COL6A6: variants seen among roughly 807,000 people sequenced by gnomAD.
COL6A6 encodes collagen alpha-6(VI) chain.
COL6A6 carries 183 observed loss-of-function variants against 208.6 expected under a neutral mutation model. That is an observed-to-expected ratio of 0.88 (90% confidence interval 0.78 to 0.99). COL6A6 has a LOEUF of 0.99. Among genes scored for constraint, COL6A6 ranks in the 50% least tolerant of loss-of-function variants. COL6A6 has a pLI of 0.00. For missense variants in COL6A6, 2,816 were observed against 2,815.2 expected (o/e 1.00, Z -0.01); for synonymous variants, 973 against 1,011.8 (o/e 0.96, Z 0.73).
intron 36 of COL6A6, among the ~76,000 whole-genome samples, chr3:130,673,581 A>G (rs778179262): frequency 6.6e-6 from 1 of 152,290 alleles, no homozygotes; most frequent in East Asian, 1.9e-4. Flanking sequence ...TGCCCTTCCC[A>G]TATCAGTGGA....
chr3:130,563,267 C>T lies in COL6A6; in HGVS notation c.264C>T (p.Ser88=). Residue 88 remains serine, a synonymous_variant, in exon 3 of 37, where the codon AGC becomes AGT. Coordinates refer to ENST00000358511, the MANE Select transcript of COL6A6 (RefSeq NM_001102608.3). ...ACCTGAGCACCTTCAAAGGCAGGAG[C>T]CCCATGCTGAACCACCTAAGGAAGA... is the stretch of plus-strand genomic sequence containing the variant. ...EFHLSTFKGR[S]PMLNHLRKNF... The T allele has an allele frequency of 4.3e-6, 7 of 1,614,016 alleles. No individual in the cohort carries two copies. Among genetic ancestry groups the T allele is most frequent in the Non-Finnish European group, 5.9e-6 (7 of 1,179,884 alleles).
intron 1 of COL6A6, among the ~76,000 whole-genome samples, chr3:130,524,611 C>T (rs1372058100): frequency 1.3e-5 from 2 of 150,476 alleles, no homozygotes; most frequent in African/African-American, 5.0e-5. Context: ...TAAGTAGTTG[C>T]CTTTTTACTT....
chr3:130,565,606 T>G lies in COL6A6; in HGVS notation c.1274T>G (p.Leu425Arg). The stretch of plus-strand genomic sequence containing the variant: ...GTCTTTTCAGAGAGGACTGAAACGC[T>G]CAAATCTGGTAAGGTCTTCTGCTGA... ...VSVFSERTET[L>R]KSGCVDTEEA... The change falls in exon 4 of 37, where the codon CTC becomes CGC. Residue 425 changes from leucine to arginine, a missense_variant. Leu to Arg is a moderately radical substitution (Grantham distance 102). Transcript: ENST00000358511. 6.2e-7 allele frequency: 1 copy of G among 1,610,144 alleles called. No homozygotes were observed. The highest frequency in any genetic ancestry group is 2.2e-5 in the East Asian group (1 of 44,838).
In COL6A6 at chr3:130,606,956, C is replaced by T. The variant is rs759426859; in HGVS notation, c.4679C>T (p.Thr1560Ile). The T allele has an allele frequency of 5.6e-6, 9 of 1,608,606 alleles. No homozygotes were observed. The highest frequency in any genetic ancestry group is 7.6e-6 in the Non-Finnish European group (9 of 1,177,404). The stretch of plus-strand genomic sequence containing the variant: ...GCAGCTCATGGCAGAAGGGGACATA[C>T]AGGCCCACAGGTACAATGATTTTTC... ...KTAAHGRRGHTGPQGTAGIPG... is the reference protein window; with the variant it reads ...KTAAHGRRGHIGPQGTAGIPG... Residue 1560 changes from threonine (T) to isoleucine (I), a missense_variant, in exon 21 of 37, where the codon ACA becomes ATA. Physicochemically the swap from Thr to Ile is moderately conservative, Grantham distance 89 (BLOSUM62 -1). Coordinates refer to ENST00000358511, the MANE Select transcript of COL6A6 (RefSeq NM_001102608.3).
In COL6A6 at chr3:130,658,722, C is replaced by A; in HGVS notation, c.5780C>A (p.Ala1927Asp). 1 of 1,613,174 alleles carries A rather than the reference C, an allele frequency of 6.2e-7. No homozygotes were observed. ...CAAGTAATAGTGGTTCCCTCCGGGG[C>A]CGACTACATACCAGCATTAGAGAGA... Reference protein sequence around the residue: ...TFQVIVVPSGADYIPALERLQ... With the variant: ...TFQVIVVPSGDDYIPALERLQ... The change falls in exon 34 of 37, where the codon GCC becomes GAC. Residue 1927 changes from alanine (A) to aspartate (D), a missense_variant. By Grantham distance (126) the Ala-to-Asp change is moderately radical. Coordinates refer to ENST00000358511, the MANE Select transcript of COL6A6 (RefSeq NM_001102608.3).
rs1327750987 is a variant in COL6A6, at chr3:130,581,599, A to T, written c.3586A>T (p.Thr1196Ser). The T allele has an allele frequency of 6.2e-7, 1 of 1,613,354 alleles. No individual in the cohort carries two copies. Among genetic ancestry groups the T allele is most frequent in the Non-Finnish European group, 8.5e-7 (1 of 1,179,508 alleles). The change falls in exon 9 of 37, where the codon ACT (threonine) becomes TCT (serine). Residue 1196 changes from threonine to serine, a missense_variant. Transcript: ENST00000358511. Reference sequence around the variant, plus strand: ...TGTTGTGGTGGGATTTGATGTCTCAACTCAGGAGAAAGGGCAGACTTTGCT... The same window carrying T: ...TGTTGTGGTGGGATTTGATGTCTCATCTCAGGAGAAAGGGCAGACTTTGCT... ...VDVVVGFDVS[T>S]QEKGQTLLEG...
intron 33 of COL6A6, among the ~76,000 whole-genome samples, chr3:130,651,665 A>G (rs1274528330): frequency 6.6e-6 from 1 of 152,194 alleles, no homozygotes; most frequent in Non-Finnish European, 1.5e-5. Flanking sequence ...GGCTATGCAA[A>G]TAGAGTTGCT....
At position 130,587,963 on chromosome 3, in the gene COL6A6, A is replaced by G. The variant is rs1303356301; in HGVS notation, c.4126-1127A>G. On this transcript the variant is annotated intron_variant, in intron 11 of 36. Transcript: ENST00000358511. ...ACAAACCTCTCAGTTTTTGTATATC[A>G]TATAAATGGAACACTCTACAAGAAA... 3.3e-5 allele frequency among the ~76,000 whole-genome samples: 5 copies of G among 152,324 alleles called. No individual in the cohort carries two copies. The East Asian group carries it at 9.6e-4, about 29-fold the overall frequency.
chr3:130,520,875 C>G (rs923461232), intron 1 of COL6A6, among the ~76,000 whole-genome samples: 1 of 152,150 alleles, frequency 6.6e-6, no homozygotes, highest in East Asian at 1.9e-4. Flanking sequence ...ACCCTAAAAA[C>G]TAATGCATTT....
chr3:130,633,821 A>G (rs1419278075), intron 26 of COL6A6, among the ~76,000 whole-genome samples: 1 of 24,360 alleles, frequency 4.1e-5, no homozygotes, highest in Non-Finnish European at 5.7e-5. Context: ...CAAACACCGC[A>G]TATTCTCACT....
At chr3:130,574,727 T>C (rs2107960906) in intron 8 of COL6A6, among the ~76,000 whole-genome samples, 1 of 152,332 alleles carries the variant, frequency 6.6e-6, no homozygotes, top group Middle Eastern at 3.4e-3. Context: ...TGTGCCCTTT[T>C]TTCTCCCTGT....
At chr3:130,521,156 T>C (rs190199734) in intron 1 of COL6A6, among the ~76,000 whole-genome samples, 53 of 152,340 alleles carry the variant, frequency 3.5e-4, no homozygotes, top group Admixed American at 3.1e-3. Context: ...AAGTACTGTA[T>C]CCTACACTTT....
At chr3:130,582,610 C>A (rs753976081) in intron 10 of COL6A6, among the ~76,000 whole-genome samples, 2 of 152,066 alleles carry the variant, frequency 1.3e-5, no homozygotes, top group Non-Finnish European at 2.9e-5. Flanking sequence ...GCTTTTGAAC[C>A]AAAAGCTATT....
intron 36 of COL6A6, among the ~76,000 whole-genome samples, chr3:130,672,183 G>C (rs958080849): frequency 3.3e-5 from 5 of 152,154 alleles, no homozygotes; most frequent in African/African-American, 1.2e-4. Context: ...GGAGGAATCT[G>C]ATCACAGAGA....
Position 130,578,120 on chromosome 3 carries a change from G to GT in COL6A6, c.3548-3434dup, listed in dbSNP as rs546959602. The stretch of plus-strand genomic sequence containing the variant: ...TTTTTAGGATGTGGAGGTTCTGCCT[G>GT]TTTTTTTAGCATGGAGCCATGATTA... On this transcript the variant is annotated intron_variant, in intron 8 of 36. Transcript: ENST00000358511. Among the ~76,000 whole-genome samples the GT allele has an allele frequency of 9.9e-4, 151 of 152,180 alleles. No individual in the cohort carries two copies. In the Middle Eastern group the frequency reaches 0.01, roughly 10 times the overall value.
intron 35 of COL6A6, among the ~76,000 whole-genome samples, chr3:130,663,484 A>T (rs975376255): frequency 6.6e-6 from 1 of 152,166 alleles, no homozygotes; most frequent in African/African-American, 2.4e-5. Context: ...CAGAAAGAAG[A>T]GCTGAGGAAA....
At chr3:130,644,152 T>A (rs1385957603) in intron 31 of COL6A6, among the ~76,000 whole-genome samples, 1 of 152,240 alleles carries the variant, frequency 6.6e-6, no homozygotes, top group African/African-American at 2.4e-5. Flanking sequence ...AAAGAAATCA[T>A]AACCATTAAC....
At chr3:130,665,956 G>A (rs1021193669) in intron 36 of COL6A6, among the ~76,000 whole-genome samples, 1 of 152,046 alleles carries the variant, frequency 6.6e-6, no homozygotes, top group African/African-American at 2.4e-5. Context: ...CCTCCTGAGG[G>A]GATGCAGTGG....
At chr3:130,635,658 T>A (rs894915368) in intron 27 of COL6A6, 41 bp from the exon 28 acceptor site, 66 of 1,346,878 alleles carry the variant, frequency 4.9e-5, no homozygotes, top group Middle Eastern at 3.7e-4. Flanking sequence ...TATGTATATG[T>A]TTGATTTTAA....
Sources: allele counts gnomAD v4.1 joint callset (sites outside exome capture counted in the v4.1 genomes callset), GRCh38; gene constraint gnomAD v4.1.1; transcripts MANE v1.5; gene names NCBI Gene and HGNC (gene_info 2026-07-23, HGNC 2026-07-21).